ROBO2: variants seen among roughly 807,000 people sequenced by gnomAD.
The protein encoded by ROBO2 is roundabout homolog 2.
A neutral mutation model predicts 160.8 loss-of-function variants in ROBO2; 53 were observed. The ratio of observed to expected loss-of-function variants is 0.33; its 90% CI spans 0.26 to 0.41. The LOEUF is 0.41. Among genes scored for constraint, ROBO2 ranks in the 10% least tolerant of loss-of-function variants. The probability of loss-of-function intolerance (pLI) is 1.00; values close to 1 mark genes in which losing one functional copy is unlikely to be tolerated. For synonymous variants in ROBO2, 664 were observed against 611.7 expected (o/e 1.09, Z -1.26); for missense variants, 1,577 against 1,722.4 (o/e 0.92, Z 1.49).
At chr3:77,593,900 A>G (rs2094238818) in intron 17 of ROBO2, among the ~76,000 whole-genome samples, 1 of 148,848 alleles carries the variant, frequency 6.7e-6, no homozygotes, top group Non-Finnish European at 1.5e-5. Context: ...TCACCACAGG[A>G]AAAAAAATCA....
At chr3:75,945,410 C>T (rs1489516162) in intron 2 of ROBO2, among the ~76,000 whole-genome samples, 2 of 152,140 alleles carry the variant, frequency 1.3e-5, no homozygotes, top group East Asian at 1.9e-4. Context: ...CCAGAAGTAA[C>T]AGAATAGAGG....
intron 2 of ROBO2, among the ~76,000 whole-genome samples, chr3:76,857,811 A>G (rs568963667): frequency 6.6e-5 from 10 of 152,298 alleles, no homozygotes; most frequent in African/African-American, 2.4e-4. Flanking sequence ...TAAAATGAGC[A>G]TTTCTTAGCC....
chr3:76,280,078 C>T (rs1708149356), intron 2 of ROBO2, among the ~76,000 whole-genome samples: 1 of 151,924 alleles, frequency 6.6e-6, no homozygotes, highest in South Asian at 2.1e-4. Context: ...TGCTATGTAC[C>T]AAAGCTTCTT....
At chr3:76,308,187 G>A (rs972567836) in intron 2 of ROBO2, among the ~76,000 whole-genome samples, 1 of 151,922 alleles carries the variant, frequency 6.6e-6, no homozygotes, top group African/African-American at 2.4e-5. Context: ...AACCAGCCTG[G>A]CCAATATGGT....
chr3:77,180,853 A>G (rs2080712744), intron 2 of ROBO2, among the ~76,000 whole-genome samples: 1 of 152,028 alleles, frequency 6.6e-6, no homozygotes, highest in East Asian at 1.9e-4. Flanking sequence ...TTTGACCCAT[A>G]ATATCTACCC....
intron 2 of ROBO2, among the ~76,000 whole-genome samples, chr3:76,029,307 GTATTA>G (rs1287087347): frequency 6.6e-6 from 1 of 151,770 alleles, no homozygotes; most frequent in Non-Finnish European, 1.5e-5. Flanking sequence ...AAAAAACATG[GTATTA>G]TATTAATGTC....
At chr3:77,132,423 A>C (rs2075931719) in intron 2 of ROBO2, among the ~76,000 whole-genome samples, 3 of 152,120 alleles carry the variant, frequency 2.0e-5, no homozygotes, top group Admixed American at 2.0e-4. Context: ...TATCAGATTT[A>C]AATTTATCAT....
chr3:76,219,052 A>G lies in ROBO2; in HGVS notation c.109+281450A>G, dbSNP rs183238619. Among the ~76,000 whole-genome samples the G allele has an allele frequency of 2.3e-4, 35 of 152,340 alleles. 1 individual carries two copies. The Middle Eastern group carries it at 0.02, about 89-fold the overall frequency. ...GTCTTTGACAAACTTGAGAAAAACA[A>G]GCAATGGGGAAAGGATTCCCTATTT... On this transcript the variant is annotated intron_variant, in intron 2 of 26. Transcript: ENST00000487694.
chr3:76,817,473 A>G (rs925725927), intron 2 of ROBO2, among the ~76,000 whole-genome samples: 3 of 152,086 alleles, frequency 2.0e-5, no homozygotes, highest in African/African-American at 7.2e-5. Context: ...ATAATGAAAC[A>G]TGGTCCAATA....
At chr3:76,325,085 A>T (rs572977169) in intron 2 of ROBO2, among the ~76,000 whole-genome samples, 1 of 152,268 alleles carries the variant, frequency 6.6e-6, no homozygotes, top group Non-Finnish European at 1.5e-5. Flanking sequence ...AGCCTGCGTG[A>T]CAGAGCGAGA....
chr3:76,951,121 G>T (rs2078929625), intron 2 of ROBO2, among the ~76,000 whole-genome samples: 1 of 152,100 alleles, frequency 6.6e-6, no homozygotes, highest in Non-Finnish European at 1.5e-5. Context: ...AGGTGATGAA[G>T]GTCTAGAGAA....
chr3:77,318,521 A>C (rs935357523), intron 2 of ROBO2, among the ~76,000 whole-genome samples: 17 of 152,228 alleles, frequency 1.1e-4, no homozygotes, highest in African/African-American at 3.9e-4. Context: ...CTGTTCTGGA[A>C]TATTATCAAA....
At chr3:76,248,001 G>A (rs1281667409) in intron 2 of ROBO2, among the ~76,000 whole-genome samples, 2 of 151,858 alleles carry the variant, frequency 1.3e-5, no homozygotes, top group Admixed American at 1.3e-4. Flanking sequence ...ACAGGTGCTG[G>A]AGAGGATGTG....
chr3:76,014,009 A>G (rs2066306905), intron 2 of ROBO2, among the ~76,000 whole-genome samples: 1 of 148,674 alleles, frequency 6.7e-6, no homozygotes, highest in Admixed American at 6.7e-5. Flanking sequence ...ATGGTGGTTT[A>G]TGCGTGTAAT....
chr3:76,793,300 T>C (rs999833606), intron 2 of ROBO2, among the ~76,000 whole-genome samples: 1 of 151,922 alleles, frequency 6.6e-6, no homozygotes, highest in South Asian at 2.1e-4. Flanking sequence ...CTCTTTATTA[T>C]CTCACCCTGA....
At chr3:76,752,742 C>T (rs1004506325) in intron 2 of ROBO2, among the ~76,000 whole-genome samples, 4 of 151,702 alleles carry the variant, frequency 2.6e-5, no homozygotes, top group Non-Finnish European at 4.4e-5. Context: ...TGTTTCTTTA[C>T]TAAAGGATGC....
At chr3:76,573,275 A>C (rs1324439639) in intron 2 of ROBO2, among the ~76,000 whole-genome samples, 1 of 152,110 alleles carries the variant, frequency 6.6e-6, no homozygotes, top group African/African-American at 2.4e-5. Flanking sequence ...ACTGGGGTTG[A>C]TAATAGCTAC....
intron 2 of ROBO2, among the ~76,000 whole-genome samples, chr3:76,783,359 T>C (rs2108632135): frequency 6.6e-6 from 1 of 151,062 alleles, no homozygotes; most frequent in South Asian, 2.1e-4. Flanking sequence ...CCTTAACCGT[T>C]GCATGTTTTC....
intron 2 of ROBO2, among the ~76,000 whole-genome samples, chr3:76,379,114 TGAA>T (rs2076494711): frequency 6.6e-6 from 1 of 152,220 alleles, no homozygotes; most frequent in Non-Finnish European, 1.5e-5. Flanking sequence ...CATTAACAAA[TGAA>T]GACATTGTTT....
Sources: gnomAD v4.1 joint callset for allele counts (sites outside exome capture counted in the v4.1 genomes callset) on GRCh38, gnomAD v4.1.1 for gene constraint, MANE v1.5 for transcripts, NCBI Gene and HGNC (gene_info 2026-07-23, HGNC 2026-07-21) for gene names.